CTNNA2: variants seen among roughly 807,000 people sequenced by gnomAD.
CTNNA2 encodes the protein catenin alpha 2.
In CTNNA2, 42 loss-of-function variants were observed where a neutral mutation model predicts 101.0. That is an observed-to-expected ratio of 0.42 (90% CI 0.32 to 0.54). The LOEUF (loss-of-function observed/expected upper bound fraction) is 0.54, where lower values mean the gene tolerates loss of function less well. Among genes scored for constraint, CTNNA2 ranks in the 20% least tolerant of loss-of-function variants. CTNNA2 has a pLI of 0.14. For synonymous variants in CTNNA2, 450 were observed against 456.4 expected, an observed-to-expected ratio of 0.99 and a Z score of 0.18; for missense variants, 871 against 1,223.1, an observed-to-expected ratio of 0.71 and a Z score of 4.29.
intron 7 of CTNNA2, among the ~76,000 whole-genome samples, chr2:80,098,913 C>G (rs928044619): frequency 1.3e-5 from 2 of 152,086 alleles, no homozygotes; most frequent in African/African-American, 4.8e-5. Flanking sequence ...TCACCCCTTT[C>G]TTTGACTAGG....
At chr2:80,323,250 A>G (rs567698350) in intron 7 of CTNNA2, among the ~76,000 whole-genome samples, 7 of 152,160 alleles carry the variant, frequency 4.6e-5, no homozygotes, top group Non-Finnish European at 1.0e-4. Flanking sequence ...TAGAACTCCA[A>G]GCTTCTGATG....
intron 7 of CTNNA2, among the ~76,000 whole-genome samples, chr2:80,014,623 C>T (rs1041544670): frequency 7.9e-5 from 12 of 152,162 alleles, no homozygotes; most frequent in Admixed American, 5.2e-4. Context: ...AGACTATGCC[C>T]TGCACATTCT....
intron 9 of CTNNA2, among the ~76,000 whole-genome samples, chr2:80,468,411 C>T: frequency 6.6e-6 from 1 of 151,312 alleles, no homozygotes; most frequent in Admixed American, 6.6e-5. Flanking sequence ...TGCTATTTTT[C>T]ATTTATTTAT....
intron 2 of CTNNA2, among the ~76,000 whole-genome samples, chr2:79,729,085 T>A (rs1687043365): frequency 6.6e-6 from 1 of 152,100 alleles, no homozygotes; most frequent in Non-Finnish European, 1.5e-5. Context: ...ATGTAGAAAT[T>A]TGAAGTAACT....
At chr2:80,244,256 A>C (rs2149095551) in intron 7 of CTNNA2, among the ~76,000 whole-genome samples, 1 of 152,336 alleles carries the variant, frequency 6.6e-6, no homozygotes, top group African/African-American at 2.4e-5. Context: ...TTTTTACAGA[A>C]TCCAGTACAT....
intron 7 of CTNNA2, among the ~76,000 whole-genome samples, chr2:80,115,235 C>A (rs112351789): frequency 0.017 from 2,651 of 152,244 alleles, 71 homozygotes; most frequent in African/African-American, 0.059. Flanking sequence ...TGTGGGCCAG[C>A]CTTCATTGGC....
chr2:79,556,435 T>C (rs1258390357), intron 1 of CTNNA2, among the ~76,000 whole-genome samples: 1 of 152,080 alleles, frequency 6.6e-6, no homozygotes, highest in Non-Finnish European at 1.5e-5. Context: ...TGGTTCACCA[T>C]GTATATGAAA....
At chr2:79,316,366 T>G (rs1437698652) in intron 3 of CTNNA2, among the ~76,000 whole-genome samples, 1 of 152,014 alleles carries the variant, frequency 6.6e-6, no homozygotes. Flanking sequence ...CTGGAAGGAG[T>G]GAGTCCTCCA....
intron 2 of CTNNA2, among the ~76,000 whole-genome samples, chr2:79,711,233 G>T (rs749408484): frequency 1.3e-5 from 2 of 152,086 alleles, no homozygotes; most frequent in Admixed American, 6.5e-5. Flanking sequence ...TTGTCTGGTG[G>T]GAATGAGAAT....
intron 7 of CTNNA2, among the ~76,000 whole-genome samples, chr2:79,951,357 T>C (rs892361414): frequency 8.5e-5 from 13 of 152,204 alleles, no homozygotes; most frequent in Non-Finnish European, 1.5e-4. Flanking sequence ...TAATTAAATT[T>C]ACCCCTGCAT....
rs139884928 is a variant in CTNNA2, at chr2:79,494,989, G to C, written c.-134-10065G>C. On this transcript the variant is annotated intron_variant, in intron 4 of 21. Coordinates refer to the CTNNA2 transcript ENST00000466387. ...GTGGTTGCAGGCGCCTGTAGTCCCA[G>C]CTACTTAGGAGGCTGAGGCAGGAGA... Among the ~76,000 whole-genome samples the C allele has an allele frequency of 9.8e-3, 1,497 of 152,152 alleles. 26 individuals carry two copies. Among genetic ancestry groups the C allele is most frequent in the African/African-American group, 0.034 (1,425 of 41,496 alleles).
At chr2:79,779,078 T>C (rs570520595) in intron 3 of CTNNA2, among the ~76,000 whole-genome samples, 3 of 152,180 alleles carry the variant, frequency 2.0e-5, no homozygotes, top group South Asian at 4.2e-4. Context: ...GCATTAATGA[T>C]GGCAGATACC....
intron 2 of CTNNA2, among the ~76,000 whole-genome samples, chr2:79,292,518 TA>T (rs1431206666): frequency 5.3e-5 from 8 of 152,328 alleles, no homozygotes; most frequent in African/African-American, 1.7e-4. Context: ...TCTAAGGAAC[TA>T]AAAGATGAAG....
At chr2:79,874,588 AG>A (rs1682860637) in intron 6 of CTNNA2, among the ~76,000 whole-genome samples, 1 of 152,182 alleles carries the variant, frequency 6.6e-6, no homozygotes, top group East Asian at 1.9e-4. Context: ...TGGGAGGCCG[AG>A]GTGGGTGGAT....
chr2:79,648,715 T>G (rs578183032), intron 1 of CTNNA2, among the ~76,000 whole-genome samples: 13 of 152,086 alleles, frequency 8.5e-5, no homozygotes, highest in African/African-American at 3.1e-4. Context: ...GGTTTAGAGG[T>G]GGGGATTTTG....
intron 4 of CTNNA2, among the ~76,000 whole-genome samples, chr2:79,410,114 G>A (rs1476179624): frequency 1.4e-5 from 2 of 147,946 alleles, no homozygotes; most frequent in Admixed American, 6.8e-5. Flanking sequence ...TCTGTTATTG[G>A]TGTATAAGAA....
chr2:79,287,520 G>A (rs191406146), intron 2 of CTNNA2, among the ~76,000 whole-genome samples: 7,509 of 148,980 alleles, frequency 0.05, 268 homozygotes, highest in Middle Eastern at 0.15. Context: ...GGCCGTGTGA[G>A]GTGTCAGTCT....
chr2:80,178,921 A>G (rs755214265), intron 7 of CTNNA2, among the ~76,000 whole-genome samples: 3 of 152,168 alleles, frequency 2.0e-5, no homozygotes, highest in Non-Finnish European at 2.9e-5. Flanking sequence ...AGTCCAGTGT[A>G]TTTGCTACTT....
At chr2:80,120,148 C>G (rs1262670954) in intron 7 of CTNNA2, among the ~76,000 whole-genome samples, 1 of 152,064 alleles carries the variant, frequency 6.6e-6, no homozygotes, top group African/African-American at 2.4e-5. Context: ...TTTAATTTGT[C>G]TGATAGTTTT....
Sources: gnomAD v4.1 joint callset for allele counts (sites outside exome capture counted in the v4.1 genomes callset) on GRCh38, gnomAD v4.1.1 for gene constraint, MANE v1.5 for transcripts, NCBI Gene and HGNC (gene_info 2026-07-23, HGNC 2026-07-21) for gene names.